CLK2: variants seen among roughly 807,000 people sequenced by gnomAD.
The protein encoded by CLK2 is CDC like kinase 2, also known as dual specificity protein kinase CLK2.
In CLK2, 12 loss-of-function variants were observed where a neutral mutation model predicts 73.5. The observed-to-expected ratio is 0.16, with a 90% confidence interval of 0.10 to 0.26. CLK2 has a LOEUF of 0.26. CLK2 is among the 10% of genes least tolerant of loss of function. CLK2 has a pLI of 1.00. For synonymous variants in CLK2, 232 were observed against 237.9 expected, an observed-to-expected ratio of 0.98 and a Z score of 0.23; for missense variants, 509 against 688.4, an observed-to-expected ratio of 0.74 and a Z score of 2.92.
intron 2 of CLK2, among the ~76,000 whole-genome samples, chr1:155,270,202 A>C (rs9427191): frequency 8.3e-6 from 1 of 120,894 alleles, no homozygotes; most frequent in Non-Finnish European, 1.6e-5. Flanking sequence ...TACTAAAAAT[A>C]CAAAAAAAAA....
Position 155,272,909 on chromosome 1 carries a change from T to C in CLK2, c.-1+292A>G, listed in dbSNP as rs543948352. Among the ~76,000 whole-genome samples the C allele has an allele frequency of 1.2e-4, 18 of 152,306 alleles. No individual in the cohort carries two copies. In the South Asian group the frequency reaches 2.1e-3, roughly 18 times the overall value. On this transcript the variant is annotated intron_variant, in intron 1 of 12. Coordinates refer to ENST00000368361, the MANE Select transcript of CLK2 (RefSeq NM_001294338.2). Reference sequence around the variant, plus strand: ...ATGTATTCCTCCCCTCCAGCTTTGATTGGACCCGAGTCCAACTTTGATATT... The same window carrying C: ...ATGTATTCCTCCCCTCCAGCTTTGACTGGACCCGAGTCCAACTTTGATATT...
intron 3 of CLK2, chr1:155,269,173 G>A (rs892770942): frequency 1.7e-6 from 1 of 579,222 alleles, no homozygotes; most frequent in Non-Finnish European, 3.1e-6. Flanking sequence ...GGGCTTGGGG[G>A]AAAAAGGCAG....
In CLK2 at chr1:155,268,390, G is replaced by A; in HGVS notation, c.488-31C>T. ...ATGAAAGAGAGCAGGGTCGGGGAGA[G>A]GGAGGGAGAGAAGGTGGGGAATGAG... On this transcript the variant is annotated intron_variant, in intron 4 of 12. Coordinates refer to ENST00000368361, the MANE Select transcript of CLK2 (RefSeq NM_001294338.2). This position sits in a 1 kb window ranked among gnomAD's most constrained non-coding sequence, Gnocchi z 5.6. 1 of 1,595,286 alleles carries A rather than the reference G, an allele frequency of 6.3e-7. No individual in the cohort carries two copies. The highest frequency in any genetic ancestry group is 1.3e-5 in the African/African-American group (1 of 74,620).
chr1:155,271,968 GGC>G (rs764228165), intron 1 of CLK2, among the ~76,000 whole-genome samples: 28 of 151,644 alleles, frequency 1.8e-4, no homozygotes, highest in South Asian at 4.2e-4. Flanking sequence ...CATCCCATCT[GGC>G]CCCTCCACTC....
chr1:155,272,530 C>A (rs1673560154), intron 1 of CLK2, among the ~76,000 whole-genome samples: 1 of 152,012 alleles, frequency 6.6e-6, no homozygotes, highest in Non-Finnish European at 1.5e-5. Flanking sequence ...GTATGAGAAT[C>A]GCGTATGCAA....
At position 155,268,890 on chromosome 1, in the gene CLK2, C is replaced by A; in HGVS notation, c.400-95G>T. On this transcript the variant is annotated intron_variant, in intron 3 of 12. Coordinates refer to ENST00000368361, the MANE Select transcript of CLK2 (RefSeq NM_001294338.2). This position sits in a 1 kb window ranked among gnomAD's most constrained non-coding sequence, Gnocchi z 5.6. ...TGGTAGAGGGGTCACCGGTCACAGG[C>A]GCCCAGCCAGGGGGGACAGACGATG... 1 of 743,268 alleles carries A rather than the reference C, an allele frequency of 1.3e-6. No individual in the cohort carries two copies. Among genetic ancestry groups the A allele is most frequent in the Non-Finnish European group, 2.4e-6 (1 of 425,386 alleles). 46.0% of individuals were successfully genotyped at this position (743,268 alleles called of 1,614,324 possible).
rs906805505 is a variant in CLK2 at position 155,273,403 on chromosome 1, G to GGCGCCGCTC, written c.-212_-204dup. On this transcript the variant is annotated 5_prime_UTR_variant, in exon 1 of 13. Coordinates refer to ENST00000368361, the MANE Select transcript of CLK2 (RefSeq NM_001294338.2). ...CCGTCCCCGCCCCTAAGATCTGCTTGGCGCCGCTCGCACCGCCCCCGCCCG... is the reference window on the plus strand; with the variant it reads ...CCGTCCCCGCCCCTAAGATCTGCTTGGCGCCGCTCGCGCCGCTCGCACCGCCCCCGCCCG... 1.4e-5 allele frequency: 2 copies of GGCGCCGCTC among 140,902 alleles called. No homozygotes were observed. Among genetic ancestry groups the GGCGCCGCTC allele is most frequent in the African/African-American group, 5.2e-5 (2 of 38,530 alleles). 8.7% of individuals were successfully genotyped at this position (140,902 alleles called of 1,614,324 possible).
At chr1:155,265,701 T>C (rs1673201800) in intron 8 of CLK2, among the ~76,000 whole-genome samples, 159 bp downstream of exon 8, 1 of 152,138 alleles carries the variant, frequency 6.6e-6, no homozygotes, top group Non-Finnish European at 1.5e-5. Flanking sequence ...TCTTAAGAGA[T>C]TTCTCCCTTT....
rs555477843 is a variant in CLK2 at position 155,263,201 on chromosome 1, G to C, written c.*17C>G. 13 of 1,603,868 alleles carry C rather than the reference G, an allele frequency of 8.1e-6. 1 individual carries two copies. In the East Asian group the frequency reaches 2.0e-4, roughly 25 times the overall value. On this transcript the variant is annotated 3_prime_UTR_variant, in exon 13 of 13. Transcript: ENST00000368361. ...CCCACTGCTATAAAAGATGCAGGGG[G>C]GCCCAGGGCCTGATCGTCACCGACT... is the stretch of plus-strand genomic sequence containing the variant.
chr1:155,264,364 G>T, intron 10 of CLK2, 64 bp from the exon 11 acceptor site: 2 of 1,602,984 alleles, frequency 1.2e-6, no homozygotes, highest in South Asian at 1.1e-5. Flanking sequence ...CAGCTGCCAG[G>T]AAGGCAGGCA....
Position 155,268,391 on chromosome 1 carries a change from G to A in CLK2, c.488-32C>T. The A allele has an allele frequency of 1.9e-6, 3 of 1,595,050 alleles. No homozygotes were observed. Among genetic ancestry groups the A allele is most frequent in the Non-Finnish European group, 2.6e-6 (3 of 1,162,854 alleles). On this transcript the variant is annotated intron_variant, in intron 4 of 12. Transcript: ENST00000368361. This position sits in a 1 kb window ranked among gnomAD's most constrained non-coding sequence, Gnocchi z 5.6. Reference sequence around the variant, plus strand: ...TGAAAGAGAGCAGGGTCGGGGAGAGGGAGGGAGAGAAGGTGGGGAATGAGC... The same window carrying A: ...TGAAAGAGAGCAGGGTCGGGGAGAGAGAGGGAGAGAAGGTGGGGAATGAGC...
Position 155,269,533 on chromosome 1 carries a change from G to A in CLK2, c.354C>T (p.His118=). ...YRSQRSSRRK[H]RRRRRRSRTF... ...TCCGGCTGCGCCTCCTCCGCCGTCT[G>A]TGCTTCCTCCGGCTGCTGCGCTGGC... Residue 118 remains histidine (H), a synonymous_variant, in exon 3 of 13, where the codon CAC becomes CAT. Coordinates refer to ENST00000368361, the MANE Select transcript of CLK2 (RefSeq NM_001294338.2). 6.2e-7 allele frequency: 1 copy of A among 1,614,062 alleles called. No homozygotes were observed. Among genetic ancestry groups the A allele is most frequent in the East Asian group, 2.2e-5 (1 of 44,878 alleles).
At chr1:155,269,443 G>A (rs775288094) in intron 3 of CLK2, 45 bp downstream of exon 3, 5 of 1,527,880 alleles carry the variant, frequency 3.3e-6, no homozygotes, top group South Asian at 2.2e-5. Flanking sequence ...GTCCTAGAGG[G>A]CCTGCAGAAG....
intron 3 of CLK2, 26 bp downstream of exon 3, chr1:155,269,462 G>A: frequency 6.2e-7 from 1 of 1,601,382 alleles, no homozygotes; most frequent in Non-Finnish European, 8.5e-7. Flanking sequence ...AGAGTGGGGA[G>A]AGGAAGGGCC....
At position 155,269,191 on chromosome 1, in the gene CLK2, G is replaced by A. The variant is rs529246819; in HGVS notation, c.399+297C>T. 11 of 584,142 alleles carry A rather than the reference G, an allele frequency of 1.9e-5. No individual in the cohort carries two copies. In the South Asian group the frequency reaches 2.3e-4, roughly 12 times the overall value. 36.2% of individuals were successfully genotyped at this position (584,142 alleles called of 1,614,324 possible). On this transcript the variant is annotated intron_variant, in intron 3 of 12. Transcript: ENST00000368361. ...CTTGGGGGAAAAAGGCAGTTCACAA[G>A]CAAGGTCCCCATTAAAGAGTGGAGG...
rs760675850 is a variant in CLK2, at chr1:155,264,814, G to A, written c.934-40C>T. On this transcript the variant is annotated intron_variant, in intron 8 of 12. Coordinates refer to ENST00000368361, the MANE Select transcript of CLK2 (RefSeq NM_001294338.2). ...GAAAGAGGATGAACCTCTGCACCCAGACTGAGATTCCACCAGTATTCTCTA... is the reference window on the plus strand; with the variant it reads ...GAAAGAGGATGAACCTCTGCACCCAAACTGAGATTCCACCAGTATTCTCTA... 7.5e-6 allele frequency: 12 copies of A among 1,608,080 alleles called. No individual in the cohort carries two copies. In the Admixed American group the frequency reaches 1.5e-4, roughly 20 times the overall value.
intron 12 of CLK2, 45 bp from the exon 13 acceptor site, chr1:155,263,445 A>C: frequency 6.2e-7 from 1 of 1,606,760 alleles, no homozygotes; most frequent in Non-Finnish European, 8.5e-7. Context: ...ATGCCTTACA[A>C]ACCCTGCCTT....
rs1553224452 is a variant in CLK2, at chr1:155,265,592, A to AATATATAT, written c.933+267_933+268insATATATAT. Among the ~76,000 whole-genome samples the AATATATAT allele has an allele frequency of 2.0e-5, 3 of 149,908 alleles. No individual in the cohort carries two copies. The East Asian group carries it at 5.9e-4, about 29-fold the overall frequency. On this transcript the variant is annotated intron_variant, in intron 8 of 12. Transcript: ENST00000368361. ...AAATAAATAAATAAATAAATAAATAAATAAATAAATAAAGTCCAAACCAAG... is the reference window on the plus strand; with the variant it reads ...AAATAAATAAATAAATAAATAAATAAATATATATATAAATAAATAAAGTCCAAACCAAG...
chr1:155,268,875 G>A lies in CLK2; in HGVS notation c.400-80C>T. 2 of 830,812 alleles carry A rather than the reference G, an allele frequency of 2.4e-6. No individual in the cohort carries two copies. Among genetic ancestry groups the A allele is most frequent in the Admixed American group, 1.9e-5 (1 of 52,082 alleles). 51.5% of individuals were successfully genotyped at this position (830,812 alleles called of 1,614,324 possible). ...GGGAGGCGGGGTGGGTGGTAGAGGG[G>A]TCACCGGTCACAGGCGCCCAGCCAG... On this transcript the variant is annotated intron_variant, in intron 3 of 12. Transcript: ENST00000368361. The surrounding 1 kb of genome is among the most constrained non-coding windows in gnomAD (Gnocchi z 5.6).
Sources: allele counts gnomAD v4.1 joint callset (sites outside exome capture counted in the v4.1 genomes callset), GRCh38; gene constraint gnomAD v4.1.1; non-coding constraint Gnocchi (gnomAD v3.1); transcripts MANE v1.5; gene names NCBI Gene and HGNC (gene_info 2026-07-23, HGNC 2026-07-21).